The following LRIG3 variants were observed in gnomAD, a reference collection of about 807,000 sequenced individuals.
The protein encoded by LRIG3 is leucine rich repeats and immunoglobulin like domains 3.
A neutral mutation model predicts 114.5 loss-of-function variants in LRIG3; 76 were observed. The ratio of observed to expected loss-of-function variants is 0.66; its 90% confidence interval spans 0.55 to 0.80. The LOEUF is 0.80. Ranked by LOEUF, LRIG3 falls within the 30% of genes least tolerant of loss-of-function variation. The probability of loss-of-function intolerance (pLI) is 0.00; values close to 1 mark genes in which losing one functional copy is unlikely to be tolerated. For missense variants in LRIG3, 1,239 were observed against 1,382.8 expected (o/e 0.90, Z 1.65); for synonymous variants, 512 against 519.8 (o/e 0.98, Z 0.20).
chr12:58,890,907 T>C, intron 3 of LRIG3, 111 bp from the exon 4 acceptor site: 2 of 962,940 alleles, frequency 2.1e-6, no homozygotes. Context: ...CTGACTAATC[T>C]GAACAGTACT....
intron 3 of LRIG3, among the ~76,000 whole-genome samples, chr12:58,912,592 A>G (rs1207802652): frequency 2.6e-5 from 4 of 152,234 alleles, no homozygotes; most frequent in Admixed American, 2.6e-4. Flanking sequence ...CAAAGAGTAG[A>G]CTGCTTTCCC....
At chr12:58,915,321 A>C (rs1401544785) in intron 1 of LRIG3, among the ~76,000 whole-genome samples, 1 of 152,238 alleles carries the variant, frequency 6.6e-6, no homozygotes, top group African/African-American at 2.4e-5. Flanking sequence ...AACCCATACT[A>C]ATTTTTTTGG....
At chr12:58,873,625 C>G (rs1870807945) in intron 18 of LRIG3, 1 of 182,926 alleles carries the variant, frequency 5.5e-6, no homozygotes, top group South Asian at 1.2e-4. Flanking sequence ...GCAGTTGTTG[C>G]TAGGTAGGAT....
intron 3 of LRIG3, among the ~76,000 whole-genome samples, chr12:58,892,912 T>C (rs1402865085): frequency 1.3e-5 from 2 of 152,220 alleles, no homozygotes; most frequent in Non-Finnish European, 2.9e-5. Flanking sequence ...TTTAATTTCT[T>C]ATGCAGATAT....
At position 58,877,747 on chromosome 12, in the gene LRIG3, C is replaced by T; in HGVS notation, c.2189G>A (p.Trp730Ter). ...CACCAATGGGCTATCATCTTTGGTC[C>T]AGTTCAGTTTAGGGGGAGGGCTTCC... ...AGGSPPPKLN[W>*]TKDDSPLVVT... is the part of the protein sequence containing the mutation. Residue 730 changes from tryptophan to a stop codon, truncating the protein, a stop_gained, in exon 15 of 19, where the codon TGG (tryptophan) becomes TAG (stop). Transcript: ENST00000320743. LOFTEE classifies it high-confidence loss of function. 1 of 1,614,180 alleles carries T rather than the reference C, an allele frequency of 6.2e-7. No homozygotes were observed. Among genetic ancestry groups the T allele is most frequent in the Non-Finnish European group, 8.5e-7 (1 of 1,180,042 alleles).
At chr12:58,873,961 T>C (rs1304246882) in intron 18 of LRIG3, 94 bp downstream of exon 18, 8 of 1,436,788 alleles carry the variant, frequency 5.6e-6, no homozygotes, top group Admixed American at 1.9e-5. Context: ...AACCATTTTT[T>C]ACCAGTTTGA....
In LRIG3 at chr12:58,874,209, A is replaced by G. The variant is rs763347777; in HGVS notation, c.2961T>C (p.Asn987=). 4.5e-5 allele frequency: 72 copies of G among 1,614,084 alleles called. No homozygotes were observed. The highest frequency in any genetic ancestry group is 2.7e-4 in the Admixed American group (16 of 60,002). ...TCCTCACATGTGAAGGCCACGATATATTACTGAAGCTCCGTTCGCAGGATT... is the reference window on the plus strand; with the variant it reads ...TCCTCACATGTGAAGGCCACGATATGTTACTGAAGCTCCGTTCGCAGGATT... ...SEESCERSFS[N]ISWPSHVRKL... Residue 987 remains asparagine (N), a synonymous_variant, in exon 18 of 19, where the codon AAT becomes AAC. Transcript: ENST00000320743.
chr12:58,883,335 T>C (rs931546911), intron 11 of LRIG3, among the ~76,000 whole-genome samples, 185 bp downstream of exon 11: 4 of 152,186 alleles, frequency 2.6e-5, no homozygotes, highest in Non-Finnish European at 4.4e-5. Flanking sequence ...GAATTTAAAA[T>C]AGAAAGAAAA....
chr12:58,913,981 C>A lies in LRIG3; in HGVS notation c.383+1G>T. ...GAGGAATTCTGCTGATATTCACTTA[C>A]AAGGAGAGAAGTGTAATATTTGCCG... On this transcript the variant is annotated splice_donor_variant, in intron 3 of 18. Transcript: ENST00000320743. LOFTEE classifies it high-confidence loss of function. The A allele has an allele frequency of 6.2e-7, 1 of 1,610,452 alleles. No individual in the cohort carries two copies. The highest frequency in any genetic ancestry group is 1.3e-5 in the African/African-American group (1 of 74,688).
chr12:58,907,370 G>A (rs1337306805), intron 3 of LRIG3, among the ~76,000 whole-genome samples: 4 of 152,146 alleles, frequency 2.6e-5, no homozygotes, highest in Non-Finnish European at 5.9e-5. Flanking sequence ...AAATTATTAG[G>A]AACCATGAAG....
At chr12:58,881,905 CG>C (rs1871140842) in intron 12 of LRIG3, among the ~76,000 whole-genome samples, 1 of 152,080 alleles carries the variant, frequency 6.6e-6, no homozygotes, top group South Asian at 2.1e-4. Context: ...TGTGTTTCAA[CG>C]TAATAGGGGG....
intron 18 of LRIG3, 50 bp downstream of exon 18, chr12:58,874,005 C>CT: frequency 5.6e-6 from 9 of 1,598,308 alleles, no homozygotes; most frequent in Non-Finnish European, 7.7e-6. Flanking sequence ...TCACACACAA[C>CT]TTGGAGTATG....
intron 1 of LRIG3, chr12:58,919,640 C>T (rs1872600239): frequency 1.4e-6 from 2 of 1,428,508 alleles, no homozygotes; most frequent in South Asian, 1.4e-5. Flanking sequence ...CTGATGTGTG[C>T]AGGTTGCCGC....
intron 3 of LRIG3, among the ~76,000 whole-genome samples, chr12:58,905,335 T>A (rs918190372): frequency 6.6e-6 from 1 of 152,248 alleles, no homozygotes; most frequent in Non-Finnish European, 1.5e-5. Context: ...ACAGTGTTTG[T>A]CACAAATACA....
chr12:58,883,325 G>A (rs538464393), intron 11 of LRIG3, among the ~76,000 whole-genome samples, 195 bp downstream of exon 11: 1 of 152,228 alleles, frequency 6.6e-6, no homozygotes, highest in African/African-American at 2.4e-5. Context: ...ACAAAGTTGC[G>A]AATTTAAAAT....
chr12:58,919,607 A>C, intron 1 of LRIG3: 1 of 1,511,012 alleles, frequency 6.6e-7, no homozygotes, highest in Non-Finnish European at 8.8e-7. Context: ...CCAGACTCAT[A>C]ACTCAGCGAG....
chr12:58,890,703 C>T lies in LRIG3; in HGVS notation c.477G>A (p.Glu159=), dbSNP rs755395341. The T allele has an allele frequency of 8.1e-6, 13 of 1,607,262 alleles. No individual in the cohort carries two copies. In the South Asian group the frequency reaches 1.2e-4, roughly 15 times the overall value. Residue 159 remains glutamate, a synonymous_variant, in exon 4 of 19, where the codon GAG becomes GAA. Coordinates refer to ENST00000320743, the MANE Select transcript of LRIG3 (RefSeq NM_153377.5). ...GTAGGGCTGGAAATGCAGTTTGGAG[C>T]TCTGAAATATTGTTGCTGCTAAGGT... is the stretch of plus-strand genomic sequence containing the variant. The part of the protein sequence containing the change: ...TLDLSSNNIS[E]LQTAFPALQL...
intron 3 of LRIG3, among the ~76,000 whole-genome samples, chr12:58,902,505 C>G (rs1211887273): frequency 6.6e-6 from 1 of 152,128 alleles, no homozygotes; most frequent in Non-Finnish European, 1.5e-5. Context: ...AGGGAGATGG[C>G]AGGCAGGTGA....
intron 9 of LRIG3, 54 bp downstream of exon 9, chr12:58,886,756 G>T: frequency 6.7e-7 from 1 of 1,502,538 alleles, no homozygotes; most frequent in Non-Finnish European, 9.2e-7. Flanking sequence ...CTTCAGTGAA[G>T]ACAAAATTTT....
Sources: allele counts gnomAD v4.1 joint callset (sites outside exome capture counted in the v4.1 genomes callset), GRCh38; gene constraint gnomAD v4.1.1; transcripts MANE v1.5; gene names NCBI Gene and HGNC (gene_info 2026-07-23, HGNC 2026-07-21).